Variants in PDE1A observed in about 807,000 individuals in gnomAD.
PDE1A encodes phosphodiesterase 1A, also known as dual specificity calcium/calmodulin-dependent 3',5'-cyclic nucleotide phosphodiesterase 1A.
A neutral mutation model predicts 61.7 loss-of-function variants in PDE1A; 35 were observed. The ratio of observed to expected loss-of-function variants is 0.57; its 90% CI spans 0.43 to 0.75. The LOEUF is 0.75. Ranked by LOEUF, PDE1A falls within the 30% of genes least tolerant of loss-of-function variation. PDE1A has a pLI of 0.00. For missense variants in PDE1A, 597 were observed against 630.6 expected, an observed-to-expected ratio of 0.95 and a Z score of 0.57; for synonymous variants, 232 against 213.2, an observed-to-expected ratio of 1.09 and a Z score of -0.77.
At chr2:182,177,427 G>A (rs951751738) in intron 13 of PDE1A, among the ~76,000 whole-genome samples, 1 of 151,784 alleles carries the variant, frequency 6.6e-6, no homozygotes, top group Non-Finnish European at 1.5e-5. Context: ...GAGTGTATGT[G>A]TCAAGGAATT....
At chr2:182,333,930 T>C (rs1028951727) in intron 1 of PDE1A, among the ~76,000 whole-genome samples, 18 of 151,928 alleles carry the variant, frequency 1.2e-4, no homozygotes, top group African/African-American at 4.1e-4. Flanking sequence ...TAAAAACTAC[T>C]GCCAGAGAAT....
intron 10 of PDE1A, among the ~76,000 whole-genome samples, chr2:182,190,952 TC>T (rs1252477407): frequency 6.7e-6 from 1 of 148,372 alleles, no homozygotes; most frequent in Non-Finnish European, 1.5e-5. Context: ...CAAGACTCCA[TC>T]CCCCCAAAAA....
chr2:182,206,014 G>A (rs200658928), exon 8 of PDE1A: 105 of 1,612,242 alleles, frequency 6.5e-5, no homozygotes, highest in Middle Eastern at 1.7e-4. Context: ...CTGCACTCAC[G>A]TGGTGATTCT....
intron 2 of PDE1A, among the ~76,000 whole-genome samples, chr2:182,257,484 T>C (rs2125761118): frequency 6.6e-6 from 1 of 152,284 alleles, no homozygotes; most frequent in South Asian, 2.1e-4. Context: ...GGGCTCTCCT[T>C]TGGCATTTAG....
chr2:182,162,561 C>T (rs903318063), intron 13 of PDE1A, among the ~76,000 whole-genome samples: 2 of 152,122 alleles, frequency 1.3e-5, no homozygotes, highest in African/African-American at 4.8e-5. Flanking sequence ...GAAGGGGAGA[C>T]CAGGTCCTGT....
chr2:182,172,619 A>T (rs1345340856), intron 13 of PDE1A, among the ~76,000 whole-genome samples: 3 of 152,054 alleles, frequency 2.0e-5, no homozygotes, highest in Non-Finnish European at 4.4e-5. Flanking sequence ...TGCATTTCTC[A>T]CTTCTTATTT....
chr2:182,642,146 A>T, the PDE1A span, among the ~76,000 whole-genome samples: 6 of 152,222 alleles, frequency 3.9e-5, no homozygotes, highest in Non-Finnish European at 5.9e-5. Flanking sequence ...TTTGTAGTCT[A>T]AAATATTTCT....
rs374895943 is a variant in PDE1A at position 182,500,670 on chromosome 2, C to A, written c.101+21606G>T. On this transcript the variant is annotated intron_variant, in intron 2 of 14. Transcript: ENST00000410103. ...TTCAAAAGATTTTTTTAAATATTGA[C>A]ATAACTCACATATAATTATCCCCAA... Among the ~76,000 whole-genome samples the A allele has an allele frequency of 3.9e-5, 6 of 152,068 alleles. No homozygotes were observed. In the East Asian group the frequency reaches 1.2e-3, roughly 29 times the overall value.
intron 2 of PDE1A, among the ~76,000 whole-genome samples, chr2:182,483,681 T>TA (rs1440279918): frequency 6.6e-6 from 1 of 151,634 alleles, no homozygotes; most frequent in Non-Finnish European, 1.5e-5. Context: ...ATGTAAATAC[T>TA]AAAAAAATTT....
At chr2:182,680,215 CT>C in the PDE1A span, among the ~76,000 whole-genome samples, 2,230 of 139,780 alleles carry the variant, frequency 0.016, 18 homozygotes, top group African/African-American at 0.033. Flanking sequence ...TTATCAGCGA[CT>C]TTTTTTTTTT....
At chr2:182,253,254 ATCAAACCT>A (rs1691534188) in intron 2 of PDE1A, among the ~76,000 whole-genome samples, 1 of 152,236 alleles carries the variant, frequency 6.6e-6, no homozygotes, top group African/African-American at 2.4e-5. Context: ...GACAGGTGAC[ATCAAACCT>A]AAATGAAAGT....
At chr2:182,236,029 A>G (rs186640138) in intron 3 of PDE1A, among the ~76,000 whole-genome samples, 55 of 152,338 alleles carry the variant, frequency 3.6e-4, no homozygotes, top group African/African-American at 1.1e-3. Context: ...ACTGTGTTTA[A>G]TTACATCTCT....
At chr2:182,195,053 T>C (rs989977504) in intron 10 of PDE1A, among the ~76,000 whole-genome samples, 1 of 152,122 alleles carries the variant, frequency 6.6e-6, no homozygotes. Flanking sequence ...AAGTCTAGCA[T>C]TACATTCTGC....
chr2:182,627,133 TAAA>T, the PDE1A span, among the ~76,000 whole-genome samples: 9 of 42,262 alleles, frequency 2.1e-4, no homozygotes, highest in South Asian at 7.6e-4. Flanking sequence ...TATGTATATA[TAAA>T]ATATAAATAT....
intron 3 of PDE1A, among the ~76,000 whole-genome samples, 186 bp downstream of exon 3, chr2:182,239,924 C>T (rs148574058): frequency 5.5e-4 from 84 of 152,252 alleles, no homozygotes; most frequent in South Asian, 1.7e-3. Context: ...AAGAATGCAT[C>T]CGGGACCAGG....
At chr2:182,518,865 A>G (rs1265938683) in intron 2 of PDE1A, among the ~76,000 whole-genome samples, 1 of 152,102 alleles carries the variant, frequency 6.6e-6, no homozygotes, top group Admixed American at 6.6e-5. Flanking sequence ...AAATGCTGTC[A>G]CCTCTTAGAT....
At chr2:182,696,703 T>A in the PDE1A span, among the ~76,000 whole-genome samples, 1 of 152,110 alleles carries the variant, frequency 6.6e-6, no homozygotes, top group Admixed American at 6.5e-5. Flanking sequence ...TGGGGGAGGA[T>A]GTGCATGTGT....
intron 1 of PDE1A, among the ~76,000 whole-genome samples, chr2:182,305,715 TTTA>T (rs951177675): frequency 2.1e-4 from 32 of 150,820 alleles, no homozygotes; most frequent in African/African-American, 7.1e-4. Context: ...TGTTGTTGTT[TTTA>T]TTATCTTAAA....
intron 13 of PDE1A, among the ~76,000 whole-genome samples, chr2:182,155,671 C>T (rs2125284355): frequency 6.6e-6 from 1 of 152,274 alleles, no homozygotes. Flanking sequence ...TGGTGGATCA[C>T]CTGAGGCCGG....
Sources: allele counts gnomAD v4.1 joint callset (sites outside exome capture counted in the v4.1 genomes callset), GRCh38; gene constraint gnomAD v4.1.1; transcripts MANE v1.5; gene names NCBI Gene and HGNC (gene_info 2026-07-23, HGNC 2026-07-21).